LRBA: variants seen among roughly 807,000 people sequenced by gnomAD.
The protein encoded by LRBA is LPS responsive beige-like anchor protein, also known as lipopolysaccharide-responsive and beige-like anchor protein.
A neutral mutation model predicts 330.0 loss-of-function variants in LRBA; 176 were observed. That is an observed-to-expected ratio of 0.53 (90% CI 0.47 to 0.60). LRBA has a LOEUF of 0.60. LRBA is among the 20% of genes least tolerant of loss of function. The pLI, the probability that LRBA is intolerant of heterozygous loss-of-function variation, is 0.00. For synonymous variants in LRBA, 1,230 were observed against 1,193.0 expected (o/e 1.03, Z -0.64); for missense variants, 3,259 against 3,444.8 (o/e 0.95, Z 1.35).
chr4:150,624,385 A>AAAAATG (rs1776639694), intron 37 of LRBA, among the ~76,000 whole-genome samples: 2 of 151,986 alleles, frequency 1.3e-5, no homozygotes, highest in African/African-American at 4.8e-5. Flanking sequence ...AAATAAAAAT[A>AAAAATG]AAAATAAAAT....
Position 150,751,436 on chromosome 4 carries a change from A to AT in LRBA, c.5645+10346dup, listed in dbSNP as rs901446336. On this transcript the variant is annotated intron_variant, in intron 35 of 56. Coordinates refer to ENST00000651943, the MANE Select transcript of LRBA (RefSeq NM_001364905.1). ...ATTAAACTAATAAGATATCTAAATG[A>AT]TTTTTTTTTGCTATTCTAAGGGGTC... is the stretch of plus-strand genomic sequence containing the variant. 6.4e-4 allele frequency among the ~76,000 whole-genome samples: 97 copies of AT among 151,068 alleles called. No homozygotes were observed. The South Asian group carries it at 6.5e-3, about 10-fold the overall frequency.
intron 31 of LRBA, among the ~76,000 whole-genome samples, chr4:150,815,529 A>G (rs1744446076): frequency 6.6e-6 from 1 of 151,964 alleles, no homozygotes; most frequent in African/African-American, 2.4e-5. Flanking sequence ...CTGTAAACTT[A>G]AAACTGATCT....
chr4:150,696,670 A>G (rs1014897214), intron 36 of LRBA, among the ~76,000 whole-genome samples: 14 of 152,158 alleles, frequency 9.2e-5, no homozygotes, highest in African/African-American at 3.4e-4. Context: ...AAAGAGTTAT[A>G]GACAGTATGT....
chr4:150,871,423 T>C lies in LRBA; in HGVS notation c.2289A>G (p.Gly763=), dbSNP rs1753429047. 2.5e-6 allele frequency: 4 copies of C among 1,611,716 alleles called. No homozygotes were observed. Among genetic ancestry groups the C allele is most frequent in the Non-Finnish European group, 3.4e-6 (4 of 1,178,154 alleles). The change falls in exon 19 of 57, where the codon GGA becomes GGG. Residue 763 remains glycine, a synonymous_variant. Coordinates refer to ENST00000651943, the MANE Select transcript of LRBA (RefSeq NM_001364905.1). The part of the protein sequence containing the change: ...KRKAEVMLGH[G]LFSLLAERLM... Reference sequence around the variant, plus strand: ...GCCTTTCAGCTAGCAATGAAAACAATCCATGTCCAAGCATGACTTCTGCTT... The same window carrying C: ...GCCTTTCAGCTAGCAATGAAAACAACCCATGTCCAAGCATGACTTCTGCTT...
chr4:150,660,444 T>G (rs1204478785), intron 37 of LRBA, among the ~76,000 whole-genome samples: 4 of 139,580 alleles, frequency 2.9e-5, no homozygotes, highest in Non-Finnish European at 4.7e-5. Context: ...GAGGAGCCCC[T>G]CTGCCCGGCC....
At chr4:150,643,797 G>GA (rs1428541560) in intron 37 of LRBA, among the ~76,000 whole-genome samples, 2 of 151,632 alleles carry the variant, frequency 1.3e-5, no homozygotes, top group South Asian at 2.1e-4. Flanking sequence ...TAAATAATTG[G>GA]AAAAAAAGAT....
chr4:150,853,898 T>C (rs533996454), intron 22 of LRBA, among the ~76,000 whole-genome samples: 4 of 152,284 alleles, frequency 2.6e-5, no homozygotes, highest in African/African-American at 9.6e-5. Flanking sequence ...GTTTCTGTAA[T>C]CTACATTATT....
chr4:150,853,464 C>G (rs1054463192), intron 22 of LRBA, among the ~76,000 whole-genome samples: 1 of 152,136 alleles, frequency 6.6e-6, no homozygotes, highest in Admixed American at 6.6e-5. Flanking sequence ...ATTCTTTTAG[C>G]AATGGGAGAA....
rs1329332385 is a variant in LRBA, at chr4:150,274,584, T to C, written c.8468+3269A>G. Among the ~76,000 whole-genome samples the C allele has an allele frequency of 3.9e-5, 6 of 152,010 alleles. No homozygotes were observed. The East Asian group carries it at 1.2e-3, about 29-fold the overall frequency. On this transcript the variant is annotated intron_variant, in intron 56 of 56. Transcript: ENST00000651943. ...CACAAGAAAAGAGAGAAGAATCAAA[T>C]ATACACAATAAAAAATGATAAAGGG... is the stretch of plus-strand genomic sequence containing the variant.
chr4:150,287,823 AG>A (rs964215280), intron 53 of LRBA, among the ~76,000 whole-genome samples: 3 of 152,194 alleles, frequency 2.0e-5, no homozygotes, highest in African/African-American at 7.2e-5. Flanking sequence ...CTTCTTTGGG[AG>A]GCAAACTTAC....
intron 36 of LRBA, among the ~76,000 whole-genome samples, chr4:150,719,342 C>G (rs1728631558): frequency 6.6e-6 from 1 of 151,902 alleles, no homozygotes; most frequent in South Asian, 2.1e-4. Flanking sequence ...AAAAAAAGTG[C>G]AATCTTAACC....
intron 40 of LRBA, among the ~76,000 whole-genome samples, chr4:150,527,196 C>T (rs1763572225): frequency 6.6e-6 from 1 of 152,090 alleles, no homozygotes; most frequent in African/African-American, 2.4e-5. Flanking sequence ...TTTCCAAGAA[C>T]GGTTTTGCTT....
chr4:150,811,440 A>AGG (rs1400053521), intron 31 of LRBA, among the ~76,000 whole-genome samples: 4 of 131,196 alleles, frequency 3.0e-5, no homozygotes, highest in African/African-American at 1.0e-4. Context: ...AAAAAAAAAA[A>AGG]GGGGGTGTGC....
intron 47 of LRBA, among the ~76,000 whole-genome samples, chr4:150,356,724 T>A (rs1231200622): frequency 1.3e-5 from 2 of 151,906 alleles, no homozygotes; most frequent in African/African-American, 4.8e-5. Flanking sequence ...CATCTTCAGG[T>A]AAAACACAAT....
At chr4:150,902,093 C>A (rs569524595) in intron 13 of LRBA, among the ~76,000 whole-genome samples, 47 of 151,988 alleles carry the variant, frequency 3.1e-4, no homozygotes, top group African/African-American at 1.0e-3. Flanking sequence ...TGAAAAAAGT[C>A]ATGAAGCAAT....
intron 42 of LRBA, among the ~76,000 whole-genome samples, chr4:150,473,830 C>T (rs1315555929): frequency 1.3e-5 from 2 of 152,162 alleles, no homozygotes; most frequent in African/African-American, 4.8e-5. Flanking sequence ...CATATCTATA[C>T]ATATCCTATT....
Position 150,369,707 on chromosome 4 carries a change from T to C in LRBA, c.7195-19548A>G, listed in dbSNP as rs556700578. Among the ~76,000 whole-genome samples the C allele has an allele frequency of 1.8e-4, 28 of 152,246 alleles. No homozygotes were observed. The South Asian group carries it at 5.8e-3, about 32-fold the overall frequency. ...CAGATTTTGCTAAGTATTGTACGTA[T>C]ATAAAAAAGAAAATATAAATGAAAT... On this transcript the variant is annotated intron_variant, in intron 47 of 56. Coordinates refer to ENST00000651943, the MANE Select transcript of LRBA (RefSeq NM_001364905.1).
At chr4:150,837,488 G>T (rs1296683166) in intron 28 of LRBA, among the ~76,000 whole-genome samples, 2 of 152,210 alleles carry the variant, frequency 1.3e-5, no homozygotes, top group Admixed American at 1.3e-4. Flanking sequence ...CCTGTATTGG[G>T]TGCATATATA....
Position 150,583,468 on chromosome 4 carries a change from G to T in LRBA, c.6330+4580C>A, listed in dbSNP as rs751148176. 2.5e-6 allele frequency: 4 copies of T among 1,613,806 alleles called. No individual in the cohort carries two copies. Among genetic ancestry groups the T allele is most frequent in the Non-Finnish European group, 3.4e-6 (4 of 1,180,044 alleles). ...GGCGGTGGACAAGTGCAGCTATCGG[G>T]ATGTGGTCAAGATGATCGCGGACAC... is the stretch of plus-strand genomic sequence containing the variant. On this transcript the variant is annotated intron_variant, in intron 40 of 56. Coordinates refer to ENST00000651943, the MANE Select transcript of LRBA (RefSeq NM_001364905.1). The surrounding 1 kb of genome is among the most constrained non-coding windows in gnomAD (Gnocchi z 9.8).
Sources: allele counts gnomAD v4.1 joint callset (sites outside exome capture counted in the v4.1 genomes callset), GRCh38; gene constraint gnomAD v4.1.1; non-coding constraint Gnocchi (gnomAD v3.1); transcripts MANE v1.5; gene names NCBI Gene and HGNC (gene_info 2026-07-23, HGNC 2026-07-21).